Variants in DLG2 observed in about 807,000 individuals in gnomAD.
DLG2 encodes the protein disks large homolog 2.
DLG2 carries 45 observed loss-of-function variants against 132.5 expected under a neutral mutation model. The observed-to-expected ratio is 0.34, with a 90% CI of 0.27 to 0.44. The LOEUF is 0.44. Among genes scored for constraint, DLG2 ranks in the 20% least tolerant of loss-of-function variants. The pLI, the probability that DLG2 is intolerant of heterozygous loss-of-function variation, is 1.00. For missense variants in DLG2, 1,045 were observed against 1,196.9 expected (o/e 0.87, Z 1.87); for synonymous variants, 424 against 419.6 (o/e 1.01, Z -0.13).
intron 18 of DLG2, among the ~76,000 whole-genome samples, chr11:83,664,137 A>T (rs12791719): frequency 0.047 from 7,171 of 152,290 alleles, 209 homozygotes; most frequent in Middle Eastern, 0.092. Context: ...CATGTTATGG[A>T]TTCAGTGAAT....
chr11:83,791,023 C>G (rs749500828), intron 17 of DLG2: 173 of 763,218 alleles, frequency 2.3e-4, no homozygotes, highest in Non-Finnish European at 3.4e-4. Context: ...TTGGCTTGTT[C>G]CTGGCACGCG....
chr11:85,576,578 G>A (rs951356375), intron 3 of DLG2, among the ~76,000 whole-genome samples: 1 of 152,056 alleles, frequency 6.6e-6, no homozygotes, highest in African/African-American at 2.4e-5. Context: ...AACTGTTAAC[G>A]TACTTAGCTT....
At chr11:83,549,365 G>C (rs2096326023) in intron 19 of DLG2, among the ~76,000 whole-genome samples, 1 of 152,142 alleles carries the variant, frequency 6.6e-6, no homozygotes, top group South Asian at 2.1e-4. Context: ...AATAAGTGGA[G>C]TAATCTGAGC....
chr11:85,562,217 T>C (rs533695615), intron 3 of DLG2, among the ~76,000 whole-genome samples: 36 of 151,840 alleles, frequency 2.4e-4, no homozygotes, highest in African/African-American at 8.7e-4. Flanking sequence ...GAGCAGTGGG[T>C]GAAAATAAAG....
chr11:84,677,671 G>T (rs1326209668), intron 6 of DLG2, among the ~76,000 whole-genome samples: 1 of 151,920 alleles, frequency 6.6e-6, no homozygotes, highest in Non-Finnish European at 1.5e-5. Flanking sequence ...ATCACTTGAG[G>T]CCAAGAGCTA....
rs150161707 is a variant in DLG2 at position 83,575,093 on chromosome 11, T to C, written c.1941-33235A>G. Among the ~76,000 whole-genome samples the C allele has an allele frequency of 5.8e-3, 878 of 152,324 alleles. 5 individuals are homozygous for C. Among genetic ancestry groups the C allele is most frequent in the Middle Eastern group, 0.024 (7 of 294 alleles). On this transcript the variant is annotated intron_variant, in intron 19 of 27. Transcript: ENST00000376104. ...CTGCAAGGGTATATGAGATAGGTAG[T>C]GAGCAGCTTTCATCTTTAAAGATGT...
chr11:83,996,219 A>C (rs980946830), intron 11 of DLG2, among the ~76,000 whole-genome samples: 2 of 152,224 alleles, frequency 1.3e-5, no homozygotes, highest in Non-Finnish European at 2.9e-5. Flanking sequence ...GACATATGAA[A>C]GGTGCTCAAC....
intron 21 of DLG2, chr11:83,486,372 T>G (rs2093506241): frequency 1.8e-6 from 1 of 571,080 alleles, no homozygotes; most frequent in Non-Finnish European, 3.1e-6. Flanking sequence ...AATTACACAT[T>G]TTCATGCAAA....
At chr11:83,855,570 A>G (rs1009103837) in intron 16 of DLG2, among the ~76,000 whole-genome samples, 2 of 152,224 alleles carry the variant, frequency 1.3e-5, no homozygotes, top group Non-Finnish European at 2.9e-5. Flanking sequence ...GCCAATCTGA[A>G]AAGGCTACAT....
intron 6 of DLG2, among the ~76,000 whole-genome samples, chr11:85,019,329 T>A (rs764779800): frequency 6.6e-6 from 1 of 151,970 alleles, no homozygotes; most frequent in Non-Finnish European, 1.5e-5. Flanking sequence ...TTAATGAACA[T>A]GGGAAGGACA....
At chr11:85,571,156 C>T (rs1212701819) in intron 3 of DLG2, among the ~76,000 whole-genome samples, 1 of 152,010 alleles carries the variant, frequency 6.6e-6, no homozygotes, top group Non-Finnish European at 1.5e-5. Flanking sequence ...ATGGGCCATG[C>T]TTTCTTGTTT....
intron 11 of DLG2, among the ~76,000 whole-genome samples, chr11:83,983,943 T>C (rs568220749): frequency 2.0e-5 from 3 of 152,212 alleles, no homozygotes; most frequent in Non-Finnish European, 2.9e-5. Context: ...CAATCTACCA[T>C]ATTTATAAAA....
intron 3 of DLG2, among the ~76,000 whole-genome samples, chr11:85,403,969 G>A (rs893265069): frequency 6.6e-6 from 1 of 151,980 alleles, no homozygotes; most frequent in African/African-American, 2.4e-5. Flanking sequence ...TAGGTGAAGC[G>A]GGGAGAAGAA....
At chr11:84,369,605 C>T (rs1231760949) in intron 7 of DLG2, among the ~76,000 whole-genome samples, 1 of 151,916 alleles carries the variant, frequency 6.6e-6, no homozygotes, top group Non-Finnish European at 1.5e-5. Flanking sequence ...GAAAGTTGGC[C>T]CCTGAAGTAA....
At chr11:84,843,615 G>T (rs547246998) in intron 6 of DLG2, among the ~76,000 whole-genome samples, 2 of 151,814 alleles carry the variant, frequency 1.3e-5, no homozygotes, top group South Asian at 2.1e-4. Flanking sequence ...ATATAAAATG[G>T]TATAGTATTT....
At chr11:83,921,290 C>T (rs539064786) in intron 15 of DLG2, among the ~76,000 whole-genome samples, 11 of 152,158 alleles carry the variant, frequency 7.2e-5, no homozygotes, top group East Asian at 5.8e-4. Flanking sequence ...ATGCCAGGTA[C>T]GATTTTTGGC....
intron 6 of DLG2, among the ~76,000 whole-genome samples, chr11:84,537,753 T>A (rs1266005027): frequency 6.6e-6 from 1 of 152,216 alleles, no homozygotes; most frequent in African/African-American, 2.4e-5. Flanking sequence ...TTCTCACATC[T>A]CCAGTCTTTA....
intron 6 of DLG2, among the ~76,000 whole-genome samples, chr11:84,995,856 C>A (rs193183502): frequency 3.5e-4 from 54 of 152,280 alleles, no homozygotes; most frequent in African/African-American, 1.3e-3. Context: ...ATTCTCCCTG[C>A]CCATCTGTCC....
intron 3 of DLG2, among the ~76,000 whole-genome samples, chr11:85,502,854 G>A (rs539226204): frequency 4.3e-4 from 66 of 152,172 alleles, no homozygotes; most frequent in African/African-American, 1.4e-3. Context: ...AAACTCATGT[G>A]TACCTGGATA....
Sources: allele counts gnomAD v4.1 joint callset (sites outside exome capture counted in the v4.1 genomes callset), GRCh38; gene constraint gnomAD v4.1.1; transcripts MANE v1.5; gene names NCBI Gene and HGNC (gene_info 2026-07-23, HGNC 2026-07-21).